SLC45A4: variants seen among roughly 807,000 people sequenced by gnomAD.
SLC45A4 encodes solute carrier family 45 member 4, also known as polyamine-transporter SLC45A4.
In SLC45A4, 32 loss-of-function variants were observed where a neutral mutation model predicts 63.7. The observed-to-expected ratio is 0.50, with a 90% CI of 0.38 to 0.67. SLC45A4 has a LOEUF of 0.67. Among genes scored for constraint, SLC45A4 ranks in the 30% least tolerant of loss-of-function variants. The probability of loss-of-function intolerance (pLI) is 0.00; values close to 1 mark genes in which losing one functional copy is unlikely to be tolerated. For synonymous variants in SLC45A4, 535 were observed against 510.0 expected (o/e 1.05, Z -0.66); for missense variants, 1,027 against 1,157.7 (o/e 0.89, Z 1.64).
intron 1 of SLC45A4, among the ~76,000 whole-genome samples, chr8:141,273,524 G>A (rs1419342056): frequency 2.0e-5 from 3 of 152,152 alleles, no homozygotes; most frequent in African/African-American, 4.8e-5. Flanking sequence ...CCCGCAGCGT[G>A]GGAGAGGCAG....
At chr8:141,233,043 G>C (rs927918159) in intron 2 of SLC45A4, among the ~76,000 whole-genome samples, 9 of 152,236 alleles carry the variant, frequency 5.9e-5, no homozygotes, top group Admixed American at 2.0e-4. Flanking sequence ...ACACACCAAG[G>C]CGAAAGGGAG....
chr8:141,272,085 T>A (rs1207104069), intron 1 of SLC45A4, among the ~76,000 whole-genome samples: 5 of 152,240 alleles, frequency 3.3e-5, no homozygotes, highest in African/African-American at 1.2e-4. Context: ...CCCACACATG[T>A]GCACGCAACA....
chr8:141,212,287 T>A lies in SLC45A4; in HGVS notation c.2211A>T (p.Glu737Asp). The A allele has an allele frequency of 3.1e-6, 5 of 1,606,720 alleles. No individual in the cohort carries two copies. Among genetic ancestry groups the A allele is most frequent in the Non-Finnish European group, 4.3e-6 (5 of 1,175,362 alleles). ...QKGLSSPLAG[E>D]GRAGGNSEKP... ...TTTCGCTGTTCCCACCGGCCCTGCCTTCGCCGGCCAACGGGGAAGACAGGC... is the reference window on the plus strand; with the variant it reads ...TTTCGCTGTTCCCACCGGCCCTGCCATCGCCGGCCAACGGGGAAGACAGGC... The change falls in exon 8 of 9, where the codon GAA becomes GAT. Residue 737 changes from glutamate to aspartate, a missense_variant. Transcript: ENST00000517878.
At chr8:141,219,483 G>A (rs2304281) in intron 4 of SLC45A4, among the ~76,000 whole-genome samples, 167 bp downstream of exon 4, 19,112 of 152,094 alleles carry the variant, frequency 0.13, 1,566 homozygotes, top group East Asian at 0.18. Flanking sequence ...TTGGTGGTCA[G>A]GAGGGGCTGC....
Position 141,298,629 on chromosome 8 carries a change from G to A in SLC45A4, c.-401+9467C>T, listed in dbSNP as rs551427053. Among the ~76,000 whole-genome samples, 43 of 152,292 alleles carry A rather than the reference G, an allele frequency of 2.8e-4. No homozygotes were observed. The East Asian group carries it at 8.1e-3, about 29-fold the overall frequency. On this transcript the variant is annotated intron_variant, in intron 1 of 8. Transcript: ENST00000517878. ...CAGCACCTCCTCCCTGACCTCCGCA[G>A]GAGCCAGGGAGCCAACCCAGAGGGC...
intron 2 of SLC45A4, among the ~76,000 whole-genome samples, chr8:141,231,785 T>C (rs536209119): frequency 7.9e-5 from 12 of 152,260 alleles, no homozygotes; most frequent in Middle Eastern, 3.4e-3. Context: ...GAGCCATGGA[T>C]CCCACTAGGA....
At chr8:141,257,856 G>A (rs1275875394) in intron 1 of SLC45A4, among the ~76,000 whole-genome samples, 1 of 152,162 alleles carries the variant, frequency 6.6e-6, no homozygotes, top group African/African-American at 2.4e-5. Flanking sequence ...AACAGCACCA[G>A]AGGGAGACAC....
Position 141,218,723 on chromosome 8 carries a change from T to C in SLC45A4, c.917A>G (p.Lys306Arg), listed in dbSNP as rs758942466. 10 of 1,612,628 alleles carry C rather than the reference T, an allele frequency of 6.2e-6. No homozygotes were observed. The African/African-American group carries it at 1.2e-4, about 19-fold the overall frequency. Residue 306 changes from lysine to arginine, a missense_variant, in exon 5 of 9, where the codon AAA becomes AGA. Transcript: ENST00000517878. Reference protein sequence around the residue: ...DYPDVDIMRSKSDSALHVPDT... With the variant: ...DYPDVDIMRSRSDSALHVPDT... ...CGGCACGTGCAATGCCGAGTCGCTT[T>C]TGCTGCGCATGATGTCCACGTCCGG...
intron 2 of SLC45A4, among the ~76,000 whole-genome samples, chr8:141,240,032 C>T (rs781387010): frequency 5.3e-5 from 8 of 152,176 alleles, no homozygotes; most frequent in Non-Finnish European, 1.0e-4. Context: ...TACAACAAAC[C>T]GTATCCTAGG....
intron 2 of SLC45A4, among the ~76,000 whole-genome samples, chr8:141,244,260 G>A (rs545794700): frequency 1.3e-5 from 2 of 152,174 alleles, no homozygotes; most frequent in Non-Finnish European, 2.9e-5. Context: ...TCCTCCAAGC[G>A]AGCAGCTCCA....
chr8:141,256,859 C>CTT lies in SLC45A4; in HGVS notation c.-400-2232_-400-2231dup, dbSNP rs71504829. 1.1e-3 allele frequency: 346 copies of CTT among 308,034 alleles called. No homozygotes were observed. Among genetic ancestry groups the CTT allele is most frequent in the African/African-American group, 3.8e-3 (171 of 44,742 alleles). 19.1% of individuals were successfully genotyped at this position (308,034 alleles called of 1,614,324 possible). A position where few individuals can be genotyped will look rare whatever the true frequency, so the allele number is the denominator to read the frequency against. On this transcript the variant is annotated intron_variant, in intron 1 of 8. Transcript: ENST00000517878. The surrounding 1 kb of genome is among the most constrained non-coding windows in gnomAD (Gnocchi z 4.3). ...TTTTTCAAAAAACTGTGTAATGAAACTTTTTTTTTTTTTTGAGACAGTCTC... is the reference window on the plus strand; with the variant it reads ...TTTTTCAAAAAACTGTGTAATGAAACTTTTTTTTTTTTTTTTGAGACAGTCTC...
chr8:141,259,577 A>G (rs540516770), intron 1 of SLC45A4, among the ~76,000 whole-genome samples: 2 of 152,088 alleles, frequency 1.3e-5, no homozygotes, highest in South Asian at 4.2e-4. Context: ...TCCCACCTTC[A>G]GCTCAACCAC....
Position 141,229,506 on chromosome 8 carries a change from C to A in SLC45A4, c.242-7741G>T, listed in dbSNP as rs529243318. 1.3e-5 allele frequency among the ~76,000 whole-genome samples: 2 copies of A among 152,180 alleles called. No individual in the cohort carries two copies. Among genetic ancestry groups the A allele is most frequent in the Non-Finnish European group, 2.9e-5 (2 of 68,038 alleles). On this transcript the variant is annotated intron_variant, in intron 2 of 8. Transcript: ENST00000517878. The surrounding 1 kb of genome is among the most constrained non-coding windows in gnomAD (Gnocchi z 5.0). ...GTGCCTTCCCCGGGTAGGGGCAGCT[C>A]CCCTGGTGTCCAGGCACTCCCTTGT...
chr8:141,243,884 T>C (rs1828036417), intron 2 of SLC45A4, among the ~76,000 whole-genome samples: 1 of 152,166 alleles, frequency 6.6e-6, no homozygotes. Context: ...TCAGGTTACT[T>C]TACTATAAAC....
intron 2 of SLC45A4, among the ~76,000 whole-genome samples, chr8:141,245,432 A>G (rs28521629): frequency 0.74 from 112,896 of 152,054 alleles, 42,054 homozygotes; most frequent in South Asian, 0.87. Context: ...TTAATTCATC[A>G]CTCAACGAAC....
chr8:141,288,286 G>A (rs1053847446), intron 1 of SLC45A4, among the ~76,000 whole-genome samples: 2 of 152,262 alleles, frequency 1.3e-5, no homozygotes, highest in Admixed American at 6.5e-5. Context: ...TGGCCGCTCA[G>A]TGCAAAACAC....
chr8:141,285,904 T>G (rs1830125461), intron 1 of SLC45A4, among the ~76,000 whole-genome samples: 1 of 152,168 alleles, frequency 6.6e-6, no homozygotes, highest in Non-Finnish European at 1.5e-5. Flanking sequence ...TGTGTGGTGC[T>G]TCTCACAACA....
Position 141,219,732 on chromosome 8 carries a change from C to G in SLC45A4, c.528G>C (p.Glu176Asp). The G allele has an allele frequency of 6.2e-7, 1 of 1,608,538 alleles. No individual in the cohort carries two copies. Among genetic ancestry groups the G allele is most frequent in the Non-Finnish European group, 8.5e-7 (1 of 1,177,834 alleles). Residue 176 changes from glutamate (E) to aspartate (D), a missense_variant, in exon 4 of 9, where the codon GAG becomes GAC. Coordinates refer to ENST00000517878, the MANE Select transcript of SLC45A4 (RefSeq NM_001286646.2). ...CCAGCAGATAGGCACGGATGGGCCC[C>G]TCGGTGGCATCGGCGCTGAAGTCCA... ...VVLDFSADATEGPIRAYLLDV... is the reference protein window; with the variant it reads ...VVLDFSADATDGPIRAYLLDV...
At chr8:141,240,229 A>G (rs1369495254) in intron 2 of SLC45A4, among the ~76,000 whole-genome samples, 2 of 152,220 alleles carry the variant, frequency 1.3e-5, no homozygotes, top group Non-Finnish European at 2.9e-5. Context: ...CGGATGTTCT[A>G]TTGCTCACGA....
Sources: allele counts gnomAD v4.1 joint callset (sites outside exome capture counted in the v4.1 genomes callset), GRCh38; gene constraint gnomAD v4.1.1; non-coding constraint Gnocchi (gnomAD v3.1); transcripts MANE v1.5; gene names NCBI Gene and HGNC (gene_info 2026-07-23, HGNC 2026-07-21).